MARCHF5: variants seen among roughly 807,000 people sequenced by gnomAD.
MARCHF5 encodes membrane associated ring-CH-type finger 5.
Under a neutral mutation model 36.5 loss-of-function variants are expected in MARCHF5, and 5 were observed. The observed-to-expected ratio is 0.14, with a 90% CI of 0.07 to 0.29. MARCHF5 has a LOEUF of 0.29. Ranked by LOEUF, MARCHF5 falls within the 10% of genes least tolerant of loss-of-function variation. The pLI is 1.00. For synonymous variants in MARCHF5, 103 were observed against 109.9 expected, an observed-to-expected ratio of 0.94 and a Z score of 0.39; for missense variants, 179 against 336.3, an observed-to-expected ratio of 0.53 and a Z score of 3.66.
At chr10:92,304,369 A>G (rs180733162) in intron 1 of MARCHF5, among the ~76,000 whole-genome samples, 1 of 152,360 alleles carries the variant, frequency 6.6e-6, no homozygotes, top group African/African-American at 2.4e-5. Flanking sequence ...GGACCTTAAC[A>G]TAAAACATTT....
intron 2 of MARCHF5, among the ~76,000 whole-genome samples, chr10:92,331,069 T>C (rs1314955581): frequency 6.6e-6 from 1 of 152,256 alleles, no homozygotes; most frequent in South Asian, 2.1e-4. Flanking sequence ...AATTATATTA[T>C]CATCATGGAA....
chr10:92,307,019 A>C (rs1015414944), intron 1 of MARCHF5, among the ~76,000 whole-genome samples: 1 of 152,124 alleles, frequency 6.6e-6, no homozygotes, highest in African/African-American at 2.4e-5. Context: ...GTCTCAAAAA[A>C]GGGCAGGGGA....
intron 2 of MARCHF5, among the ~76,000 whole-genome samples, chr10:92,322,957 T>TG (rs1843309651): frequency 6.6e-6 from 1 of 151,770 alleles, no homozygotes; most frequent in African/African-American, 2.4e-5. Flanking sequence ...AGGATGGTCT[T>TG]GATCTCTTGA....
chr10:92,350,548 G>T (rs548611446), intron 5 of MARCHF5, among the ~76,000 whole-genome samples: 14 of 152,294 alleles, frequency 9.2e-5, no homozygotes, highest in Middle Eastern at 3.4e-3. Flanking sequence ...GTTCACAGCA[G>T]GCTTGCGAGA....
chr10:92,350,554 C>G (rs1268956220), intron 5 of MARCHF5, among the ~76,000 whole-genome samples: 2 of 152,144 alleles, frequency 1.3e-5, no homozygotes, highest in Non-Finnish European at 2.9e-5. Flanking sequence ...AGCAGGCTTG[C>G]GAGACTGCAT....
intron 1 of MARCHF5, among the ~76,000 whole-genome samples, chr10:92,307,033 G>A (rs1170393140): frequency 6.6e-6 from 1 of 152,052 alleles, no homozygotes; most frequent in Non-Finnish European, 1.5e-5. Flanking sequence ...CAGGGGAGGG[G>A]GCAGGAAGCT....
intron 3 of MARCHF5, among the ~76,000 whole-genome samples, chr10:92,341,699 T>C (rs185899197): frequency 2.1e-4 from 32 of 152,240 alleles, no homozygotes; most frequent in Admixed American, 1.6e-3. Context: ...AACTTGTCAC[T>C]TCTTCCATTT....
chr10:92,318,461 CTG>C (rs1253158232), intron 2 of MARCHF5, among the ~76,000 whole-genome samples: 3 of 150,716 alleles, frequency 2.0e-5, no homozygotes, highest in Non-Finnish European at 4.4e-5. Context: ...GGGCCCACAA[CTG>C]TAATCCCAGC....
intron 5 of MARCHF5, chr10:92,350,383 CAA>C (rs1222466473): frequency 1.3e-5 from 2 of 153,050 alleles, no homozygotes; most frequent in African/African-American, 2.4e-5. Flanking sequence ...AAGACAAAGA[CAA>C]GAGAGTATAT....
intron 2 of MARCHF5, among the ~76,000 whole-genome samples, chr10:92,332,808 C>T (rs1045570023): frequency 1.3e-5 from 2 of 151,592 alleles, no homozygotes; most frequent in East Asian, 2.0e-4. Flanking sequence ...TGTGAGCCAC[C>T]GCACCCAGCC....
At chr10:92,335,467 ATCTTT>A (rs1242504832) in intron 2 of MARCHF5, among the ~76,000 whole-genome samples, 1 of 152,208 alleles carries the variant, frequency 6.6e-6, no homozygotes, top group Non-Finnish European at 1.5e-5. Flanking sequence ...CTAGGCATTT[ATCTTT>A]TCTTTTAAGT....
intron 2 of MARCHF5, 80 bp from the exon 3 acceptor site, chr10:92,340,593 A>C: frequency 7.5e-7 from 1 of 1,332,220 alleles, no homozygotes; most frequent in Non-Finnish European, 1.0e-6. Flanking sequence ...AAGGTATTTT[A>C]GATCTATAGA....
intron 2 of MARCHF5, among the ~76,000 whole-genome samples, chr10:92,325,347 A>C (rs1590658880): frequency 1.3e-5 from 2 of 152,288 alleles, no homozygotes; most frequent in East Asian, 3.9e-4. Flanking sequence ...TATGTCTTAA[A>C]TAAAAAGAGA....
chr10:92,347,058 TC>T (rs1221475535), intron 3 of MARCHF5, among the ~76,000 whole-genome samples: 2 of 152,200 alleles, frequency 1.3e-5, no homozygotes, highest in Admixed American at 6.5e-5. Flanking sequence ...AAATAGAATT[TC>T]TTAGCCAGAC....
intron 2 of MARCHF5, among the ~76,000 whole-genome samples, chr10:92,330,936 T>C (rs1843428470): frequency 6.6e-6 from 1 of 152,168 alleles, no homozygotes; most frequent in African/African-American, 2.4e-5. Context: ...CACAACCTTC[T>C]CATATACAGG....
intron 1 of MARCHF5, among the ~76,000 whole-genome samples, chr10:92,309,065 A>G (rs1386567238): frequency 1.3e-5 from 2 of 152,218 alleles, no homozygotes; most frequent in African/African-American, 4.8e-5. Context: ...TAGGACTGAA[A>G]TATACTGATG....
In MARCHF5 at chr10:92,292,629, C is replaced by T. The variant is rs574189446; in HGVS notation, c.35+1100C>T. On this transcript the variant is annotated intron_variant, in intron 1 of 5. Transcript: ENST00000358935. The stretch of plus-strand genomic sequence containing the variant: ...TGGAGCTTAGAATTTTGAGCCATCT[C>T]AGTTAATAGGAATTATGTCACTGAT... Among the ~76,000 whole-genome samples the T allele has an allele frequency of 1.6e-4, 25 of 152,282 alleles. 1 individual carries two copies. In the South Asian group the frequency reaches 5.0e-3, roughly 30 times the overall value.
intron 1 of MARCHF5, among the ~76,000 whole-genome samples, chr10:92,308,045 A>G (rs1843096938): frequency 6.7e-6 from 1 of 150,064 alleles, no homozygotes; most frequent in African/African-American, 2.5e-5. Context: ...GGTTCACACC[A>G]TTCTCCTGCC....
At chr10:92,294,650 T>C (rs1286588254) in intron 1 of MARCHF5, among the ~76,000 whole-genome samples, 1 of 152,220 alleles carries the variant, frequency 6.6e-6, no homozygotes, top group African/African-American at 2.4e-5. Context: ...CAGATAACTG[T>C]TCATTTGTTT....
Sources: gnomAD v4.1 joint callset for allele counts (sites outside exome capture counted in the v4.1 genomes callset) on GRCh38, gnomAD v4.1.1 for gene constraint, MANE v1.5 for transcripts, NCBI Gene and HGNC (gene_info 2026-07-23, HGNC 2026-07-21) for gene names.